SMAD2: variants seen among roughly 807,000 people sequenced by gnomAD.
SMAD2 encodes the protein MAD homolog 2.
A neutral mutation model predicts 64.4 loss-of-function variants in SMAD2; 8 were observed. The observed-to-expected ratio is 0.12, with a 90% CI of 0.07 to 0.22. SMAD2 has a LOEUF of 0.22. Among genes scored for constraint, SMAD2 ranks in the 10% least tolerant of loss-of-function variants. SMAD2 has a pLI of 1.00. For missense variants in SMAD2, 289 were observed against 561.2 expected (o/e 0.51, Z 4.90); for synonymous variants, 203 against 195.8 (o/e 1.04, Z -0.31).
chr18:47,874,391 T>C (rs1163494211), intron 2 of SMAD2, among the ~76,000 whole-genome samples: 2 of 152,160 alleles, frequency 1.3e-5, no homozygotes, highest in African/African-American at 4.8e-5. Flanking sequence ...ACAACAGTAA[T>C]TGTTTCCAGA....
At position 47,853,858 on chromosome 18, in the gene SMAD2, C is replaced by G. The variant is rs144796935; in HGVS notation, c.731-2531G>C. Among the ~76,000 whole-genome samples, 981 of 152,248 alleles carry G rather than the reference C, an allele frequency of 6.4e-3. 10 individuals are homozygous for G. The highest frequency in any genetic ancestry group is 0.022 in the African/African-American group (897 of 41,542). ...TGGAACAATGAGCTAAAATTCACTG[C>G]TGTTTCCTGAAACCAACATAAAATA... On this transcript the variant is annotated intron_variant, in intron 6 of 10. Transcript: ENST00000262160.
chr18:47,825,119 A>G lies in SMAD2; in HGVS notation c.*16708T>C, dbSNP rs1912701541. 6.6e-6 allele frequency: 1 copy of G among 152,356 alleles called. No homozygotes were observed. Among genetic ancestry groups the G allele is most frequent in the East Asian group, 1.9e-4 (1 of 5,190 alleles). The allele number at this position is 152,356 out of a possible 1,614,324, so 9.4% of individuals were successfully genotyped here. Reference sequence around the variant, plus strand: ...GTGTATTTACAGGAACGTGATAATCAAAAGTTGTTGTGGGACCATTCAAGA... The same window carrying G: ...GTGTATTTACAGGAACGTGATAATCGAAAGTTGTTGTGGGACCATTCAAGA... On this transcript the variant is annotated 3_prime_UTR_variant, in exon 11 of 11. Transcript: ENST00000262160.
At chr18:47,925,022 T>C (rs1294864367) in intron 1 of SMAD2, among the ~76,000 whole-genome samples, 1 of 152,224 alleles carries the variant, frequency 6.6e-6, no homozygotes, top group Non-Finnish European at 1.5e-5. Context: ...CCCAAGATTA[T>C]TCCTACTGAA....
rs142031605 is a variant in SMAD2 at position 47,824,389 on chromosome 18, C to A, written c.*17438G>T. ...CTGCCTAGAAGCCGATTGTCCAAAC[C>A]CGAACTGGCAGCATCCTTGTTATTA... On this transcript the variant is annotated 3_prime_UTR_variant, in exon 11 of 11. Transcript: ENST00000262160. 7.3e-3 allele frequency: 1,116 copies of A among 152,290 alleles called. 9 individuals carry two copies. The highest frequency in any genetic ancestry group is 0.031 in the Middle Eastern group (9 of 294). The allele number at this position is 152,290 out of a possible 1,614,324, so 9.4% of individuals were successfully genotyped here.
At chr18:47,924,506 G>C (rs1259537521) in intron 1 of SMAD2, among the ~76,000 whole-genome samples, 2 of 150,518 alleles carry the variant, frequency 1.3e-5, no homozygotes, top group Admixed American at 1.3e-4. Context: ...CTGTCTCCCA[G>C]GCTGGAGAGC....
chr18:47,891,783 C>T (rs1295246589), intron 2 of SMAD2, among the ~76,000 whole-genome samples: 1 of 151,958 alleles, frequency 6.6e-6, no homozygotes, highest in African/African-American at 2.4e-5. Flanking sequence ...AAAAAACTGA[C>T]TTCAAAGAAA....
At chr18:47,851,522 G>C (rs2030078457) in intron 6 of SMAD2, among the ~76,000 whole-genome samples, 195 bp from the exon 7 acceptor site, 1 of 151,986 alleles carries the variant, frequency 6.6e-6, no homozygotes, top group African/African-American at 2.4e-5. Context: ...GGGGGTTCCA[G>C]TATAAAAGGT....
chr18:47,837,114 T>C lies in SMAD2; in HGVS notation c.*4713A>G, dbSNP rs1378283410. The stretch of plus-strand genomic sequence containing the variant: ...ATTTGCCAGTCACAAAGACATTTAC[T>C]GAACAGAATTTTTGAGCCATTTGTA... On this transcript the variant is annotated 3_prime_UTR_variant, in exon 11 of 11. Transcript: ENST00000262160. The C allele has an allele frequency of 4.9e-6, 1 of 202,210 alleles. No homozygotes were observed. 12.5% of individuals were successfully genotyped at this position (202,210 alleles called of 1,614,324 possible).
chr18:47,901,575 T>TAA (rs2033684932), intron 1 of SMAD2, among the ~76,000 whole-genome samples: 1 of 151,704 alleles, frequency 6.6e-6, no homozygotes, highest in Non-Finnish European at 1.5e-5. Flanking sequence ...ATTCATTTGT[T>TAA]ACATTCTTTT....
In SMAD2 at chr18:47,930,552, G is replaced by A. The variant is rs1318234351; in HGVS notation, c.-245C>T. ...GGCCCGGGCCCGGCCGGCGGCCCGG[G>A]CGCGCGGGAGGGTAGGGGAAGAGAG... On this transcript the variant is annotated 5_prime_UTR_variant, in exon 1 of 11. Coordinates refer to ENST00000262160, the MANE Select transcript of SMAD2 (RefSeq NM_005901.6). 2 of 149,576 alleles carry A rather than the reference G, an allele frequency of 1.3e-5. No individual in the cohort carries two copies. Among genetic ancestry groups the A allele is most frequent in the African/African-American group, 2.4e-5 (1 of 40,890 alleles). The allele number at this position is 149,576 out of a possible 1,614,324, so 9.3% of individuals were successfully genotyped here.
At chr18:47,843,701 T>G (rs1280842328) in intron 10 of SMAD2, among the ~76,000 whole-genome samples, 1 of 152,206 alleles carries the variant, frequency 6.6e-6, no homozygotes, top group Admixed American at 6.5e-5. Flanking sequence ...TACAGGAAAC[T>G]ACTTGATTTT....
Position 47,840,316 on chromosome 18 carries a change from G to A in SMAD2, c.*1511C>T, listed in dbSNP as rs115417847. On this transcript the variant is annotated 3_prime_UTR_variant, in exon 11 of 11. Coordinates refer to ENST00000262160, the MANE Select transcript of SMAD2 (RefSeq NM_005901.6). ...AGTGGTTATTTTCCATTTCTACTAA[G>A]ATGCAAACAAGAAGAAATGTTTAAA... 1,261 of 232,840 alleles carry A rather than the reference G, an allele frequency of 5.4e-3. 10 individuals are homozygous for A. The highest frequency in any genetic ancestry group is 0.026 in the African/African-American group (1,163 of 45,420). The allele number at this position is 232,840 out of a possible 1,614,324, so 14.4% of individuals were successfully genotyped here.
intron 2 of SMAD2, among the ~76,000 whole-genome samples, chr18:47,894,592 T>C (rs1343828558): frequency 6.6e-6 from 1 of 152,188 alleles, no homozygotes; most frequent in Non-Finnish European, 1.5e-5. Context: ...CTTCTCCTAA[T>C]TCCTCCTTTA....
rs951492534 is a variant in SMAD2 at position 47,832,975 on chromosome 18, G to C, written c.*8852C>G. 1 of 170,456 alleles carries C rather than the reference G, an allele frequency of 5.9e-6. No individual in the cohort carries two copies. Among genetic ancestry groups the C allele is most frequent in the Admixed American group, 6.4e-5 (1 of 15,642 alleles). The allele number at this position is 170,456 out of a possible 1,614,324, so 10.6% of individuals were successfully genotyped here. On this transcript the variant is annotated 3_prime_UTR_variant, in exon 11 of 11. Transcript: ENST00000262160. ...CTCTTAAAATCATATGTCCATATGT[G>C]AAATACAATCACTTTTTTTGGTTTC...
At chr18:47,926,454 C>G (rs190116895) in intron 1 of SMAD2, among the ~76,000 whole-genome samples, 13 of 152,254 alleles carry the variant, frequency 8.5e-5, no homozygotes, top group Admixed American at 7.8e-4. Context: ...TTATCCTCAC[C>G]GAGCTGTTAT....
rs1176767791 is a variant in SMAD2 at position 47,814,944 on chromosome 18, C to T, written c.*26883G>A. 1.6e-4 allele frequency: 24 copies of T among 152,436 alleles called. No individual in the cohort carries two copies. The highest frequency in any genetic ancestry group is 1.2e-3 in the Admixed American group (19 of 15,280). 9.4% of individuals were successfully genotyped at this position (152,436 alleles called of 1,614,324 possible). On this transcript the variant is annotated 3_prime_UTR_variant, in exon 11 of 11. Coordinates refer to ENST00000262160, the MANE Select transcript of SMAD2 (RefSeq NM_005901.6). Reference sequence around the variant, plus strand: ...GACAGAGTTGTGGTCAGGAGCAGGGCATGACAGCAGTGAACAAAAGCCAGG... The same window carrying T: ...GACAGAGTTGTGGTCAGGAGCAGGGTATGACAGCAGTGAACAAAAGCCAGG...
rs1467056327 is a variant in SMAD2, at chr18:47,829,559, ATATT to A, written c.*12264_*12267del. On this transcript the variant is annotated 3_prime_UTR_variant, in exon 11 of 11. Transcript: ENST00000262160. ...CTTTTGTAATTTTGATTCTGAAAAA[ATATT>A]TAAAGTAATCAATTAGGTATTCTAA... 1 of 152,204 alleles carries A rather than the reference ATATT, an allele frequency of 6.6e-6. No individual in the cohort carries two copies. The allele number at this position is 152,204 out of a possible 1,614,324, so 9.4% of individuals were successfully genotyped here.
chr18:47,839,908 C>G lies in SMAD2; in HGVS notation c.*1919G>C, dbSNP rs1262459519. On this transcript the variant is annotated 3_prime_UTR_variant, in exon 11 of 11. Coordinates refer to ENST00000262160, the MANE Select transcript of SMAD2 (RefSeq NM_005901.6). ...TTCCTTGATGTCCTACCTGAAGCAT[C>G]CCATCTGTTATTCTCCAGTACAGTA... The G allele has an allele frequency of 4.3e-6, 1 of 233,026 alleles. No individual in the cohort carries two copies. Among genetic ancestry groups the G allele is most frequent in the African/African-American group, 2.2e-5 (1 of 45,316 alleles). 14.4% of individuals were successfully genotyped at this position (233,026 alleles called of 1,614,324 possible).
chr18:47,859,922 A>G (rs1408519308), intron 6 of SMAD2, among the ~76,000 whole-genome samples: 2 of 152,222 alleles, frequency 1.3e-5, no homozygotes, highest in East Asian at 3.9e-4. Context: ...AAATAACTTT[A>G]TATCAATACA....
Sources: allele counts gnomAD v4.1 joint callset (sites outside exome capture counted in the v4.1 genomes callset), GRCh38; gene constraint gnomAD v4.1.1; transcripts MANE v1.5; gene names NCBI Gene and HGNC (gene_info 2026-07-23, HGNC 2026-07-21).